OSBPL6: variants seen among roughly 807,000 people sequenced by gnomAD.
OSBPL6 encodes the protein oxysterol-binding protein-related protein 6.
OSBPL6 carries 49 observed loss-of-function variants against 125.8 expected under a neutral mutation model. That is an observed-to-expected ratio of 0.39 (90% CI 0.31 to 0.49). OSBPL6 has a LOEUF of 0.49. Ranked by LOEUF, OSBPL6 falls within the 20% of genes least tolerant of loss-of-function variation. The pLI is 0.88. For missense variants in OSBPL6, 986 were observed against 1,135.4 expected, an observed-to-expected ratio of 0.87 and a Z score of 1.89; for synonymous variants, 394 against 391.8, an observed-to-expected ratio of 1.01 and a Z score of -0.07.
intron 14 of OSBPL6, 66 bp from the exon 15 acceptor site, chr2:178,373,824 A>G (rs968099447): frequency 1.4e-5 from 22 of 1,580,478 alleles, no homozygotes; most frequent in Non-Finnish European, 1.8e-5. Context: ...AATCTGGCTA[A>G]TTTGAAGGAA....
chr2:178,238,167 T>C (rs539005130), intron 1 of OSBPL6, among the ~76,000 whole-genome samples: 2 of 152,292 alleles, frequency 1.3e-5, no homozygotes, highest in African/African-American at 2.4e-5. Context: ...CAGTTACCCA[T>C]GGTCAACCAA....
chr2:178,251,911 T>G (rs532805888), intron 1 of OSBPL6, among the ~76,000 whole-genome samples: 1 of 152,288 alleles, frequency 6.6e-6, no homozygotes, highest in African/African-American at 2.4e-5. Context: ...CAGAAAGAAA[T>G]ATGCTTTCTT....
rs80088422 is a variant in OSBPL6, at chr2:178,318,837, T to C, written c.103-5340T>C. Among the ~76,000 whole-genome samples, 233 of 152,342 alleles carry C rather than the reference T, an allele frequency of 1.5e-3. 4 individuals carry two copies. In the East Asian group the frequency reaches 0.028, roughly 18 times the overall value. On this transcript the variant is annotated intron_variant, in intron 3 of 24. Transcript: ENST00000190611. ...ACCAGCAAAGTGTTTGAAAGTCATC[T>C]TTCTGTGGCATGGGAATGCGTAAGA... is the stretch of plus-strand genomic sequence containing the variant.
intron 1 of OSBPL6, among the ~76,000 whole-genome samples, chr2:178,200,487 A>G (rs1446120334): frequency 6.6e-6 from 1 of 151,914 alleles, no homozygotes; most frequent in Admixed American, 6.5e-5. Context: ...CCTGACCTCA[A>G]GTGCTCCTCC....
intron 1 of OSBPL6, among the ~76,000 whole-genome samples, chr2:178,222,343 T>A (rs1304967358): frequency 6.6e-6 from 1 of 152,192 alleles, no homozygotes; most frequent in Non-Finnish European, 1.5e-5. Context: ...AAAGGTTTGC[T>A]GATAAAATAA....
intron 15 of OSBPL6, among the ~76,000 whole-genome samples, chr2:178,381,514 C>T (rs890238553): frequency 6.6e-5 from 10 of 152,222 alleles, no homozygotes; most frequent in South Asian, 2.1e-4. Context: ...CCACCACACC[C>T]GGCTAATTTT....
chr2:178,295,863 A>C (rs1027466139), intron 2 of OSBPL6, among the ~76,000 whole-genome samples: 9 of 152,182 alleles, frequency 5.9e-5, no homozygotes, highest in Non-Finnish European at 1.2e-4. Context: ...TAAAGTTGTT[A>C]AAACTAATTT....
chr2:178,239,694 C>T (rs1310584425), intron 1 of OSBPL6, among the ~76,000 whole-genome samples: 1 of 150,208 alleles, frequency 6.7e-6, no homozygotes, highest in Non-Finnish European at 1.5e-5. Context: ...GGTGTGATCT[C>T]GGCTCACTGC....
chr2:178,237,121 T>C (rs527782957), intron 1 of OSBPL6, among the ~76,000 whole-genome samples: 1 of 152,332 alleles, frequency 6.6e-6, no homozygotes, highest in East Asian at 1.9e-4. Flanking sequence ...ACTGAGTTGA[T>C]ATTTTTATTC....
chr2:178,250,129 T>C (rs1344387189), intron 1 of OSBPL6, among the ~76,000 whole-genome samples: 1 of 152,226 alleles, frequency 6.6e-6, no homozygotes, highest in Non-Finnish European at 1.5e-5. Flanking sequence ...TAAATCTGAC[T>C]GTCCTTCTAA....
intron 12 of OSBPL6, among the ~76,000 whole-genome samples, chr2:178,355,202 C>G (rs1379561850): frequency 6.6e-6 from 1 of 152,008 alleles, no homozygotes; most frequent in South Asian, 2.1e-4. Flanking sequence ...CAAACAAATT[C>G]AAAAACTAGC....
intron 21 of OSBPL6, among the ~76,000 whole-genome samples, chr2:178,389,401 C>G (rs1444490274): frequency 6.6e-6 from 1 of 152,170 alleles, no homozygotes; most frequent in African/African-American, 2.4e-5. Context: ...AAAGAATTTT[C>G]TTTTGAAGTA....
intron 1 of OSBPL6, among the ~76,000 whole-genome samples, chr2:178,259,079 G>A (rs35313685): frequency 1.3e-5 from 2 of 151,938 alleles, no homozygotes; most frequent in Non-Finnish European, 2.9e-5. Context: ...TCCAGTGACA[G>A]AGCTGTTTCT....
chr2:178,291,296 T>C (rs1685235770), intron 2 of OSBPL6, among the ~76,000 whole-genome samples: 1 of 152,198 alleles, frequency 6.6e-6, no homozygotes, highest in African/African-American at 2.4e-5. Flanking sequence ...ACTCACTGCA[T>C]CATACGCAGG....
chr2:178,392,662 C>T, intron 23 of OSBPL6, 124 bp downstream of exon 23: 1 of 1,267,212 alleles, frequency 7.9e-7, no homozygotes, highest in African/African-American at 1.5e-5. Flanking sequence ...TCAAGACCAG[C>T]CTGGACAATA....
chr2:178,201,029 T>C (rs1041482720), intron 1 of OSBPL6, among the ~76,000 whole-genome samples: 15 of 151,922 alleles, frequency 9.9e-5, no homozygotes, highest in Non-Finnish European at 1.6e-4. Flanking sequence ...CTCCTGACCT[T>C]GTGATCTGCC....
chr2:178,328,500 T>G (rs1220336637), intron 5 of OSBPL6, 122 bp downstream of exon 5: 10 of 1,221,764 alleles, frequency 8.2e-6, no homozygotes, highest in Non-Finnish European at 1.1e-5. Flanking sequence ...TTTAAAACTT[T>G]TTTTTGAGAC....
In OSBPL6 at chr2:178,399,105, A is replaced by T. The variant is rs972075157; in HGVS notation, c.*3546A>T. On this transcript the variant is annotated 3_prime_UTR_variant, in exon 25 of 25. Coordinates refer to ENST00000190611, the MANE Select transcript of OSBPL6 (RefSeq NM_032523.4). ...GTGGCACAGTAAATAAAGTTTGTGT[A>T]CAAAATACTAGTTTATTTCTATGGG... The T allele has an allele frequency of 4.6e-5, 7 of 152,132 alleles. No individual in the cohort carries two copies. The highest frequency in any genetic ancestry group is 2.1e-4 in the South Asian group (1 of 4,820). 9.4% of individuals were successfully genotyped at this position (152,132 alleles called of 1,614,324 possible). A position where few individuals can be genotyped will look rare whatever the true frequency, so the allele number is the denominator to read the frequency against.
At chr2:178,321,332 T>C (rs1227180636) in intron 3 of OSBPL6, among the ~76,000 whole-genome samples, 1 of 152,112 alleles carries the variant, frequency 6.6e-6, no homozygotes, top group African/African-American at 2.4e-5. Flanking sequence ...AAGATGAGCT[T>C]GTCCCCACCT....
Sources: allele counts gnomAD v4.1 joint callset (sites outside exome capture counted in the v4.1 genomes callset), GRCh38; gene constraint gnomAD v4.1.1; transcripts MANE v1.5; gene names NCBI Gene and HGNC (gene_info 2026-07-23, HGNC 2026-07-21).